The following ANO3 variants were observed in gnomAD, a reference collection of about 807,000 sequenced individuals.
The protein encoded by ANO3 is anoctamin-3.
A neutral mutation model predicts 144.8 loss-of-function variants in ANO3; 99 were observed. The ratio of observed to expected loss-of-function variants is 0.68; its 90% CI spans 0.58 to 0.81. The LOEUF (loss-of-function observed/expected upper bound fraction) is 0.81. Among genes scored for constraint, ANO3 ranks in the 30% least tolerant of loss-of-function variants. The pLI is 0.00. For missense variants in ANO3, 905 were observed against 1,202.2 expected (o/e 0.75, Z 3.66); for synonymous variants, 414 against 392.6 (o/e 1.05, Z -0.64).
intron 1 of ANO3, among the ~76,000 whole-genome samples, chr11:26,263,095 C>T (rs1853229021): frequency 6.6e-6 from 1 of 152,156 alleles, no homozygotes; most frequent in East Asian, 1.9e-4. Flanking sequence ...TTTCTCCCTG[C>T]CAGTGCTTCC....
At chr11:26,501,835 G>A (rs1861207459) in intron 4 of ANO3, among the ~76,000 whole-genome samples, 1 of 152,134 alleles carries the variant, frequency 6.6e-6, no homozygotes, top group Admixed American at 6.6e-5. Flanking sequence ...GAGCAATGAG[G>A]AAAGAGTTCT....
At chr11:26,423,403 G>A (rs528417515) in intron 1 of ANO3, among the ~76,000 whole-genome samples, 212 of 149,444 alleles carry the variant, frequency 1.4e-3, no homozygotes, top group African/African-American at 4.8e-3. Context: ...CTGGCATAGG[G>A]AAATAACTCA....
At chr11:26,623,642 T>C (rs534899988) in intron 17 of ANO3, among the ~76,000 whole-genome samples, 12 of 152,298 alleles carry the variant, frequency 7.9e-5, no homozygotes, top group African/African-American at 2.4e-4. Flanking sequence ...AATTTTGTTT[T>C]TTACAAATAC....
At chr11:26,608,976 C>T (rs1259207881) in intron 17 of ANO3, among the ~76,000 whole-genome samples, 1 of 152,214 alleles carries the variant, frequency 6.6e-6, no homozygotes, top group Non-Finnish European at 1.5e-5. Flanking sequence ...GCCCCTCCCC[C>T]AGGGAACTCA....
At chr11:26,567,082 G>T in intron 14 of ANO3, 5 of 1,496,410 alleles carry the variant, frequency 3.3e-6, no homozygotes, top group Non-Finnish European at 3.6e-6. Context: ...AGAATAGATT[G>T]TATTATGCCC....
chr11:26,355,355 T>C (rs898381828), intron 1 of ANO3, among the ~76,000 whole-genome samples: 2 of 152,144 alleles, frequency 1.3e-5, no homozygotes, highest in African/African-American at 4.8e-5. Context: ...TCATCACTTT[T>C]ATAGCATTAT....
chr11:26,442,610 G>A (rs1376956053), intron 2 of ANO3, among the ~76,000 whole-genome samples: 1 of 152,154 alleles, frequency 6.6e-6, no homozygotes, highest in African/African-American at 2.4e-5. Flanking sequence ...ATACCAGCAA[G>A]GTGCCACACA....
At chr11:26,500,287 A>G (rs1861140997) in intron 4 of ANO3, among the ~76,000 whole-genome samples, 1 of 151,892 alleles carries the variant, frequency 6.6e-6, no homozygotes, top group Admixed American at 6.6e-5. Flanking sequence ...GTTTTTGTGT[A>G]GATGCATTGT....
At chr11:26,203,434 G>T (rs920884290) in intron 1 of ANO3, among the ~76,000 whole-genome samples, 8 of 152,070 alleles carry the variant, frequency 5.3e-5, no homozygotes, top group Non-Finnish European at 7.4e-5. Context: ...ACATGGCACA[G>T]GAGCCTTTAT....
intron 1 of ANO3, among the ~76,000 whole-genome samples, chr11:26,280,380 G>C (rs1385968023): frequency 6.6e-6 from 1 of 152,100 alleles, no homozygotes; most frequent in Non-Finnish European, 1.5e-5. Context: ...TGACTCACAT[G>C]ATCACAAGGT....
At chr11:26,579,363 C>T (rs1028788845) in intron 14 of ANO3, among the ~76,000 whole-genome samples, 5 of 152,192 alleles carry the variant, frequency 3.3e-5, no homozygotes, top group African/African-American at 1.2e-4. Context: ...AAGGTGTGTA[C>T]ACTCTGAGGA....
At chr11:26,390,038 A>G (rs1241144369) in intron 1 of ANO3, among the ~76,000 whole-genome samples, 1 of 152,100 alleles carries the variant, frequency 6.6e-6, no homozygotes, top group Non-Finnish European at 1.5e-5. Context: ...AAAAGAAGAC[A>G]ATAAATCATC....
intron 1 of ANO3, among the ~76,000 whole-genome samples, chr11:26,245,020 T>C (rs1054209283): frequency 6.4e-5 from 9 of 141,500 alleles, no homozygotes; most frequent in African/African-American, 1.3e-4. Flanking sequence ...TGTGTGTGTG[T>C]GCATGCATGC....
At chr11:26,414,918 AT>A (rs1857536470) in intron 1 of ANO3, among the ~76,000 whole-genome samples, 1 of 151,916 alleles carries the variant, frequency 6.6e-6, no homozygotes, top group Non-Finnish European at 1.5e-5. Context: ...ATTCCGAAAA[AT>A]TGTTCATGAT....
chr11:26,587,800 T>TA (rs1215514238), intron 14 of ANO3, among the ~76,000 whole-genome samples: 4 of 151,650 alleles, frequency 2.6e-5, no homozygotes, highest in African/African-American at 9.7e-5. Context: ...CAACTAAAAT[T>TA]AAAAAAATCA....
intron 17 of ANO3, among the ~76,000 whole-genome samples, chr11:26,613,725 G>A (rs1852166936): frequency 6.6e-6 from 1 of 152,148 alleles, no homozygotes; most frequent in Non-Finnish European, 1.5e-5. Context: ...TCTTCATGGT[G>A]TTTCTTTAGC....
At chr11:26,611,433 G>T (rs1398879063) in intron 17 of ANO3, among the ~76,000 whole-genome samples, 1 of 151,818 alleles carries the variant, frequency 6.6e-6, no homozygotes, top group African/African-American at 2.4e-5. Context: ...ACTTTTTCTT[G>T]TTTATTTCTA....
chr11:26,522,523 T>C (rs1489081460), intron 6 of ANO3, among the ~76,000 whole-genome samples: 2 of 152,018 alleles, frequency 1.3e-5, no homozygotes, highest in African/African-American at 4.8e-5. Flanking sequence ...AGGTATAAAA[T>C]AGCAGAACCT....
At chr11:26,376,456 C>T (rs548933922) in intron 1 of ANO3, among the ~76,000 whole-genome samples, 1 of 152,188 alleles carries the variant, frequency 6.6e-6, no homozygotes, top group East Asian at 1.9e-4. Flanking sequence ...CACCCTTGTT[C>T]TGAAAAATTC....
Sources: allele counts gnomAD v4.1 joint callset (sites outside exome capture counted in the v4.1 genomes callset), GRCh38; gene constraint gnomAD v4.1.1; transcripts MANE v1.5; gene names NCBI Gene and HGNC (gene_info 2026-07-23, HGNC 2026-07-21).